Variants in TSHZ3 observed in about 807,000 individuals in gnomAD.
The protein encoded by TSHZ3 is teashirt homolog 3.
TSHZ3 carries 10 observed loss-of-function variants against 64.5 expected under a neutral mutation model. That is an observed-to-expected ratio of 0.16 (90% CI 0.10 to 0.26). TSHZ3 has a LOEUF of 0.26. Among genes scored for constraint, TSHZ3 ranks in the 10% least tolerant of loss-of-function variants. TSHZ3 has a pLI of 1.00. For missense variants in TSHZ3, 1,242 were observed against 1,421.7 expected, an observed-to-expected ratio of 0.87 and a Z score of 2.03; for synonymous variants, 608 against 593.1, an observed-to-expected ratio of 1.03 and a Z score of -0.36.
intron 1 of TSHZ3, among the ~76,000 whole-genome samples, chr19:31,329,904 T>G (rs944554458): frequency 6.6e-6 from 1 of 151,984 alleles, no homozygotes; most frequent in Non-Finnish European, 1.5e-5. Context: ...TTGTTGTGTG[T>G]TTTTTTTCCA....
chr19:31,211,410 C>T (rs1478271628), intron 4 of TSHZ3, among the ~76,000 whole-genome samples: 4 of 152,126 alleles, frequency 2.6e-5, no homozygotes, highest in Non-Finnish European at 5.9e-5. Flanking sequence ...ACAGCAGACG[C>T]AGAAGGGAAG....
At chr19:31,338,581 C>CTTTTTTTT (rs34643581) in intron 1 of TSHZ3, among the ~76,000 whole-genome samples, 1 of 119,106 alleles carries the variant, frequency 8.4e-6, no homozygotes, top group African/African-American at 3.3e-5. Context: ...TTTTTTTTTT[C>CTTTTTTTT]TTTTTTTTTT....
At chr19:31,185,668 T>C (rs1974795443) in intron 5 of TSHZ3, among the ~76,000 whole-genome samples, 1 of 152,222 alleles carries the variant, frequency 6.6e-6, no homozygotes, top group Non-Finnish European at 1.5e-5. Flanking sequence ...TTATTTTCTT[T>C]TTAATCAAGG....
chr19:31,197,859 T>C (rs1298947931), intron 5 of TSHZ3, among the ~76,000 whole-genome samples: 1 of 152,060 alleles, frequency 6.6e-6, no homozygotes, highest in East Asian at 1.9e-4. Flanking sequence ...TGGTGAATTC[T>C]ATCAAATATT....
chr19:31,291,886 C>A (rs1224701723), intron 1 of TSHZ3, among the ~76,000 whole-genome samples: 1 of 152,188 alleles, frequency 6.6e-6, no homozygotes, highest in Non-Finnish European at 1.5e-5. Context: ...GGGCCCATAT[C>A]TGGGTTGACA....
At chr19:31,261,909 A>C (rs1406573062) in intron 1 of TSHZ3, among the ~76,000 whole-genome samples, 3 of 152,224 alleles carry the variant, frequency 2.0e-5, no homozygotes, top group African/African-American at 7.2e-5. Context: ...CCTGTCTGCG[A>C]GCCCAGCCCC....
chr19:31,188,610 G>A (rs1422562733), intron 5 of TSHZ3, among the ~76,000 whole-genome samples: 2 of 151,840 alleles, frequency 1.3e-5, no homozygotes. Flanking sequence ...TAATTCTGGT[G>A]AATTAGATTA....
intron 1 of TSHZ3, chr19:31,308,503 C>G: frequency 2.5e-6 from 1 of 394,556 alleles, no homozygotes; most frequent in East Asian, 3.6e-5. Context: ...TTGTCATCGT[C>G]TCCAGCGTGG....
chr19:31,301,711 G>A (rs1488419501), intron 1 of TSHZ3, among the ~76,000 whole-genome samples: 1 of 152,122 alleles, frequency 6.6e-6, no homozygotes, highest in South Asian at 2.1e-4. Flanking sequence ...AAATACATCC[G>A]GATTTTTCCG....
chr19:31,157,705 T>G (rs953287058), intron 5 of TSHZ3, among the ~76,000 whole-genome samples: 1 of 152,360 alleles, frequency 6.6e-6, no homozygotes, highest in Non-Finnish European at 1.5e-5. Flanking sequence ...GGTGTCAACC[T>G]ATTTCATGAT....
chr19:31,214,086 C>A (rs544320473), intron 4 of TSHZ3, among the ~76,000 whole-genome samples: 1 of 152,334 alleles, frequency 6.6e-6, no homozygotes, highest in South Asian at 2.1e-4. Flanking sequence ...GAGCACCCGT[C>A]GGGACCAGTC....
chr19:31,277,884 G>A lies in TSHZ3; in HGVS notation c.1909C>T (p.Pro637Ser). ...KMKEPDGKLS[P>S]PKRATPSPCS... Reference sequence around the variant, plus strand: ...GGGGAGGGAGTGGCCCGCTTGGGCGGGGAAAGCTTCCCATCCGGCTCCTTC... The same window carrying A: ...GGGGAGGGAGTGGCCCGCTTGGGCGAGGAAAGCTTCCCATCCGGCTCCTTC... Residue 637 changes from proline to serine, a missense_variant, in exon 2 of 2, where the codon CCG becomes TCG. Transcript: ENST00000240587. The surrounding 1 kb of genome is among the most constrained non-coding windows in gnomAD (Gnocchi z 4.5). The A allele has an allele frequency of 6.2e-7, 1 of 1,611,614 alleles. No homozygotes were observed. Among genetic ancestry groups the A allele is most frequent in the Non-Finnish European group, 8.5e-7 (1 of 1,178,920 alleles).
At chr19:31,189,825 T>G (rs1470461102) in intron 5 of TSHZ3, among the ~76,000 whole-genome samples, 1 of 152,166 alleles carries the variant, frequency 6.6e-6, no homozygotes, top group African/African-American at 2.4e-5. Context: ...CAGCCATAAC[T>G]GTGAATTTAT....
At chr19:31,209,031 T>C (rs973566430) in intron 4 of TSHZ3, among the ~76,000 whole-genome samples, 2 of 152,112 alleles carry the variant, frequency 1.3e-5, no homozygotes, top group African/African-American at 2.4e-5. Context: ...AAGGCCATGA[T>C]TGAGGATCTC....
chr19:31,200,785 A>G (rs773854157), intron 5 of TSHZ3, among the ~76,000 whole-genome samples: 1 of 152,176 alleles, frequency 6.6e-6, no homozygotes, highest in Non-Finnish European at 1.5e-5. Context: ...ATGCACCACC[A>G]CAGTGTGGGC....
intron 1 of TSHZ3, among the ~76,000 whole-genome samples, chr19:31,327,103 A>T (rs892429035): frequency 3.3e-5 from 5 of 152,218 alleles, no homozygotes; most frequent in Non-Finnish European, 1.5e-5. Flanking sequence ...GCAGAGGAGT[A>T]AAAAGCCCTT....
intron 1 of TSHZ3, among the ~76,000 whole-genome samples, chr19:31,320,708 G>A (rs1055262687): frequency 1.3e-5 from 2 of 152,214 alleles, no homozygotes; most frequent in African/African-American, 2.4e-5. Context: ...TGGCCACTGC[G>A]CCTGAGTCTG....
intron 1 of TSHZ3, among the ~76,000 whole-genome samples, chr19:31,338,681 C>A: frequency 6.8e-6 from 1 of 146,346 alleles, no homozygotes; most frequent in African/African-American, 2.5e-5. Flanking sequence ...ATGTTTTGTA[C>A]GTGACTGCTT....
Position 31,278,068 on chromosome 19 carries a change from G to A in TSHZ3, c.1725C>T (p.Pro575=), listed in dbSNP as rs745990558. 4.3e-6 allele frequency: 7 copies of A among 1,613,704 alleles called. No individual in the cohort carries two copies. In the African/African-American group the frequency reaches 8.0e-5, roughly 18 times the overall value. ...GSSGKSTPLK[P]MFGNSEIVSP... is the part of the protein sequence containing the mutation. ...AGACAATCTCACTGTTGCCAAACAT[G>A]GGTTTCAGGGGCGTGCTCTTCCCCG... Residue 575 remains proline (P), a synonymous_variant, in exon 2 of 2, where the codon CCC becomes CCT. Transcript: ENST00000240587. The surrounding 1 kb of genome is among the most constrained non-coding windows in gnomAD (Gnocchi z 4.7).
Sources: gnomAD v4.1 joint callset for allele counts (sites outside exome capture counted in the v4.1 genomes callset) on GRCh38, gnomAD v4.1.1 for gene constraint, Gnocchi (gnomAD v3.1) non-coding constraint, MANE v1.5 for transcripts, NCBI Gene and HGNC (gene_info 2026-07-23, HGNC 2026-07-21) for gene names.